PIK3C2G: variants seen among roughly 807,000 people sequenced by gnomAD.
The protein encoded by PIK3C2G is phosphatidylinositol-4-phosphate 3-kinase catalytic subunit type 2 gamma.
PIK3C2G carries 168 observed loss-of-function variants against 181.1 expected under a neutral mutation model. That is an observed-to-expected ratio of 0.93 (90% CI 0.82 to 1.05). The LOEUF is 1.05. Among genes scored for constraint, PIK3C2G ranks in the 50% least tolerant of loss-of-function variants. The pLI is 0.00. For synonymous variants in PIK3C2G, 573 were observed against 592.2 expected, an observed-to-expected ratio of 0.97 and a Z score of 0.47; for missense variants, 1,869 against 1,732.8, an observed-to-expected ratio of 1.08 and a Z score of -1.40.
chr12:18,498,996 T>C (rs1005981462), intron 22 of PIK3C2G, among the ~76,000 whole-genome samples: 1 of 152,208 alleles, frequency 6.6e-6, no homozygotes. Context: ...AGCTGAGATC[T>C]TTGATGTTAC....
intron 16 of PIK3C2G, among the ~76,000 whole-genome samples, chr12:18,411,452 A>C (rs1052549617): frequency 3.3e-5 from 5 of 151,600 alleles, no homozygotes; most frequent in African/African-American, 1.2e-4. Context: ...TTGAAAGAAC[A>C]TGAATTATTC....
At chr12:18,368,842 T>G (rs573735967) in intron 12 of PIK3C2G, among the ~76,000 whole-genome samples, 1 of 152,272 alleles carries the variant, frequency 6.6e-6, no homozygotes, top group African/African-American at 2.4e-5. Flanking sequence ...TAACTTCTCC[T>G]TATCCCCAAG....
chr12:18,633,166 G>C (rs1318436763), intron 31 of PIK3C2G, among the ~76,000 whole-genome samples: 1 of 152,080 alleles, frequency 6.6e-6, no homozygotes, highest in Admixed American at 6.5e-5. Context: ...TCTTCTCCTT[G>C]ATATTTCATT....
At chr12:18,292,227 A>AAAAAAAAAAAAAAAAATAT in intron 4 of PIK3C2G, among the ~76,000 whole-genome samples, 2 of 48,734 alleles carry the variant, frequency 4.1e-5, no homozygotes, top group Non-Finnish European at 6.7e-5. Flanking sequence ...AAAAAAAAAA[A>AAAAAAAAAAAAAAAAATAT]ATATATATAT....
the PIK3C2G span, chr12:18,694,184 T>C: frequency 2.1e-5 from 14 of 652,718 alleles, no homozygotes; most frequent in African/African-American, 2.4e-4. Flanking sequence ...CCCAGAGGAA[T>C]CTCTGTTCCC....
intron 1 of PIK3C2G, among the ~76,000 whole-genome samples, chr12:18,271,596 T>A (rs931276833): frequency 2.0e-5 from 3 of 152,162 alleles, no homozygotes; most frequent in Admixed American, 6.6e-5. Context: ...CAAAGTGAGA[T>A]GGCAGTGGCT....
At chr12:18,554,006 T>G (rs1416949538) in intron 26 of PIK3C2G, among the ~76,000 whole-genome samples, 2 of 152,098 alleles carry the variant, frequency 1.3e-5, no homozygotes, top group African/African-American at 4.8e-5. Flanking sequence ...GTTTTATAAA[T>G]ACAGCAATTG....
intron 16 of PIK3C2G, among the ~76,000 whole-genome samples, chr12:18,406,382 T>C (rs2135594214): frequency 6.6e-6 from 1 of 152,284 alleles, no homozygotes; most frequent in Admixed American, 6.5e-5. Flanking sequence ...TTTAATTCAT[T>C]TGGATATATA....
At chr12:18,694,700 A>G in the PIK3C2G span, among the ~76,000 whole-genome samples, 44 of 152,296 alleles carry the variant, frequency 2.9e-4, no homozygotes, top group African/African-American at 9.9e-4. Context: ...ATGTCAATTC[A>G]CAGGCAGATA....
At chr12:18,633,890 G>A (rs1949473558) in intron 31 of PIK3C2G, among the ~76,000 whole-genome samples, 1 of 152,136 alleles carries the variant, frequency 6.6e-6, no homozygotes, top group Non-Finnish European at 1.5e-5. Flanking sequence ...GTGTGTAAGG[G>A]TGTAGGAACA....
intron 18 of PIK3C2G, among the ~76,000 whole-genome samples, chr12:18,450,203 C>T (rs192581811): frequency 7.9e-5 from 12 of 152,280 alleles, no homozygotes; most frequent in Non-Finnish European, 1.3e-4. Context: ...CTCAGCTCAC[C>T]GCAACCTCCA....
chr12:18,320,898 C>A, intron 6 of PIK3C2G, 64 bp from the exon 7 acceptor site: 2 of 838,944 alleles, frequency 2.4e-6, no homozygotes, highest in Non-Finnish European at 3.9e-6. Flanking sequence ...AGTTACGGAC[C>A]TATTTTTATC....
intron 18 of PIK3C2G, among the ~76,000 whole-genome samples, chr12:18,429,179 G>C (rs955896479): frequency 5.3e-5 from 8 of 152,230 alleles, no homozygotes; most frequent in Non-Finnish European, 1.0e-4. Context: ...GACACACACA[G>C]AGAGAAGGTC....
intron 24 of PIK3C2G, among the ~76,000 whole-genome samples, chr12:18,518,310 G>C (rs1407424960): frequency 6.6e-6 from 1 of 152,152 alleles, no homozygotes; most frequent in African/African-American, 2.4e-5. Flanking sequence ...AGAAGGAATG[G>C]TATCAGCTCC....
the PIK3C2G span, among the ~76,000 whole-genome samples, chr12:18,678,159 G>A: frequency 3.3e-5 from 5 of 151,968 alleles, no homozygotes; most frequent in Admixed American, 6.6e-5. Context: ...TCAATTCTGT[G>A]TCCCCACTTA....
intron 11 of PIK3C2G, among the ~76,000 whole-genome samples, chr12:18,362,398 T>C (rs145510497): frequency 3.1e-3 from 473 of 152,326 alleles, no homozygotes; most frequent in Non-Finnish European, 5.9e-3. Context: ...TTTCTGATCA[T>C]GCCACACTGT....
chr12:18,684,417 T>C, the PIK3C2G span: 7 of 742,040 alleles, frequency 9.4e-6, no homozygotes, highest in African/African-American at 1.8e-5. Context: ...AGGTTTTTAA[T>C]ATACTCAGTG....
At chr12:18,310,146 T>C (rs1172597501) in intron 5 of PIK3C2G, among the ~76,000 whole-genome samples, 1 of 151,868 alleles carries the variant, frequency 6.6e-6, no homozygotes. Flanking sequence ...AAAATAATTA[T>C]AAAAATCTAA....
intron 9 of PIK3C2G, among the ~76,000 whole-genome samples, chr12:18,343,097 A>T (rs907278459): frequency 1.3e-4 from 20 of 152,142 alleles, no homozygotes; most frequent in Non-Finnish European, 1.9e-4. Context: ...ATTTCTTTTT[A>T]AAAAAATACA....
Sources: allele counts gnomAD v4.1 joint callset (sites outside exome capture counted in the v4.1 genomes callset), GRCh38; gene constraint gnomAD v4.1.1; transcripts MANE v1.5; gene names NCBI Gene and HGNC (gene_info 2026-07-23, HGNC 2026-07-21).